The following DISC1 variants were observed in gnomAD, a reference collection of about 807,000 sequenced individuals.
DISC1 encodes the protein disrupted in schizophrenia 1 protein.
In DISC1, 57 loss-of-function variants were observed where a neutral mutation model predicts 84.5. The observed-to-expected ratio is 0.67, with a 90% CI of 0.55 to 0.84. The LOEUF (loss-of-function observed/expected upper bound fraction) is 0.84, where lower values mean the gene tolerates loss of function less well. Ranked by LOEUF, DISC1 falls within the 40% of genes least tolerant of loss-of-function variation. The probability of loss-of-function intolerance (pLI) is 0.00; values close to 1 mark genes in which losing one functional copy is unlikely to be tolerated. For synonymous variants in DISC1, 411 were observed against 415.2 expected (o/e 0.99, Z 0.12); for missense variants, 1,000 against 1,057.8 (o/e 0.95, Z 0.76).
At chr1:231,899,481 A>G (rs1172233370) in intron 9 of DISC1, among the ~76,000 whole-genome samples, 1 of 152,130 alleles carries the variant, frequency 6.6e-6, no homozygotes, top group Non-Finnish European at 1.5e-5. Context: ...CTATGCTTTG[A>G]TCTATGCCTT....
chr1:231,857,228 C>G (rs566649877), intron 9 of DISC1, among the ~76,000 whole-genome samples: 1 of 152,174 alleles, frequency 6.6e-6, no homozygotes, highest in Admixed American at 6.5e-5. Flanking sequence ...AGGGGACCCT[C>G]CAGAACTACA....
chr1:231,925,938 G>A (rs920419187), intron 9 of DISC1: 1 of 152,144 alleles, frequency 6.6e-6, no homozygotes, highest in African/African-American at 2.4e-5. Context: ...CTGGCTGCTG[G>A]GACAATGACG....
intron 9 of DISC1, among the ~76,000 whole-genome samples, chr1:231,896,855 T>A (rs1486969640): frequency 2.0e-5 from 3 of 152,216 alleles, no homozygotes; most frequent in Non-Finnish European, 4.4e-5. Context: ...GGAAGTGAAG[T>A]CCTGCCTATA....
rs190720007 is a variant in DISC1, at chr1:231,921,757, A to G, written c.1982-37071A>G. Among the ~76,000 whole-genome samples, 338 of 151,762 alleles carry G rather than the reference A, an allele frequency of 2.2e-3. 1 individual carries two copies. The highest frequency in any genetic ancestry group is 7.9e-3 in the African/African-American group (328 of 41,356). ...GATTTGATGTATGCATATGTTGTGTAATGATTACCACAATCCAGCTAACTA... is the reference window on the plus strand; with the variant it reads ...GATTTGATGTATGCATATGTTGTGTGATGATTACCACAATCCAGCTAACTA... On this transcript the variant is annotated intron_variant, in intron 9 of 12. Transcript: ENST00000439617.
chr1:231,767,703 G>T (rs1276711923), intron 5 of DISC1, among the ~76,000 whole-genome samples: 1 of 152,236 alleles, frequency 6.6e-6, no homozygotes, highest in Non-Finnish European at 1.5e-5. Flanking sequence ...ACAAAAAGGA[G>T]AGATGGTGGG....
At chr1:232,013,761 T>G (rs1411450717) in intron 11 of DISC1, among the ~76,000 whole-genome samples, 1 of 152,122 alleles carries the variant, frequency 6.6e-6, no homozygotes, top group Non-Finnish European at 1.5e-5. Context: ...TTTATTCCTC[T>G]TGGGTATGGG....
Position 231,630,226 on chromosome 1 carries a change from G to A in DISC1, c.67+3292G>A, listed in dbSNP as rs912324427. 6.6e-6 allele frequency among the ~76,000 whole-genome samples: 1 copy of A among 152,140 alleles called. No homozygotes were observed. The highest frequency in any genetic ancestry group is 6.5e-5 in the Admixed American group (1 of 15,288). ...TTACAGGCATGAGCCACTGCGCCGG[G>A]CCCTTTAAACAAGATTTAAAGACCA... is the stretch of plus-strand genomic sequence containing the variant. On this transcript the variant is annotated intron_variant, in intron 1 of 12. Coordinates refer to ENST00000439617, the MANE Select transcript of DISC1 (RefSeq NM_018662.3). This position sits in a 1 kb window ranked among gnomAD's most constrained non-coding sequence, Gnocchi z 4.4.
At position 232,040,475 on chromosome 1, in the gene DISC1, C is replaced by T. The variant is rs537504727; in HGVS notation, c.*3644C>T. 6.6e-6 allele frequency: 1 copy of T among 152,100 alleles called. No individual in the cohort carries two copies. Among genetic ancestry groups the T allele is most frequent in the African/African-American group, 2.4e-5 (1 of 41,400 alleles). 9.4% of individuals were successfully genotyped at this position (152,100 alleles called of 1,614,324 possible). ...TCATATCCTATAATCCCCATATCAACCTTATAAGGAAGGTGTTTGTAGATG... is the reference window on the plus strand; with the variant it reads ...TCATATCCTATAATCCCCATATCAATCTTATAAGGAAGGTGTTTGTAGATG... On this transcript the variant is annotated 3_prime_UTR_variant, in exon 13 of 13. Coordinates refer to ENST00000439617, the MANE Select transcript of DISC1 (RefSeq NM_018662.3).
chr1:231,654,565 A>G (rs999946897), intron 1 of DISC1, among the ~76,000 whole-genome samples: 1 of 152,166 alleles, frequency 6.6e-6, no homozygotes, highest in African/African-American at 2.4e-5. Context: ...TTAAGAACTT[A>G]TTCCTTCTGT....
chr1:231,752,505 A>G (rs2074715338), intron 4 of DISC1, among the ~76,000 whole-genome samples: 1 of 152,166 alleles, frequency 6.6e-6, no homozygotes, highest in South Asian at 2.1e-4. Flanking sequence ...ATCCACCCCC[A>G]TGATGCAGTC....
intron 3 of DISC1, among the ~76,000 whole-genome samples, chr1:231,747,021 C>T (rs774581182): frequency 1.3e-5 from 2 of 152,114 alleles, no homozygotes; most frequent in Admixed American, 6.5e-5. Flanking sequence ...CTCGACTTCC[C>T]CAGACTCAGG....
chr1:231,900,560 T>C (rs1291206503), intron 9 of DISC1, among the ~76,000 whole-genome samples: 1 of 152,234 alleles, frequency 6.6e-6, no homozygotes, highest in Non-Finnish European at 1.5e-5. Flanking sequence ...TGAAGAATTA[T>C]GGGTTTGTGA....
rs149279558 is a variant in DISC1 at position 231,648,225 on chromosome 1, A to T, written c.67+21291A>T. 2.8e-3 allele frequency among the ~76,000 whole-genome samples: 428 copies of T among 152,338 alleles called. 7 individuals carry two copies. Among genetic ancestry groups the T allele is most frequent in the East Asian group, 9.7e-3 (50 of 5,178 alleles). ...CATAAATAGCTCTTATTATTTTGAG[A>T]TACATTCCATCAATACCTAGTTTAT... On this transcript the variant is annotated intron_variant, in intron 1 of 12. Coordinates refer to ENST00000439617, the MANE Select transcript of DISC1 (RefSeq NM_018662.3).
At chr1:231,773,447 C>T (rs570644725) in intron 6 of DISC1, among the ~76,000 whole-genome samples, 50 of 152,232 alleles carry the variant, frequency 3.3e-4, no homozygotes, top group African/African-American at 6.0e-4. Flanking sequence ...TGCAGTGGTG[C>T]GATCTCGGCT....
chr1:231,970,413 CT>C (rs931826520), intron 10 of DISC1, among the ~76,000 whole-genome samples: 15 of 152,222 alleles, frequency 9.9e-5, no homozygotes, highest in Non-Finnish European at 5.9e-5. Context: ...AAATATTGCC[CT>C]AGAGAATGGC....
intron 3 of DISC1, chr1:231,720,794 G>A: frequency 8.2e-7 from 1 of 1,224,482 alleles, no homozygotes; most frequent in Non-Finnish European, 1.1e-6. Context: ...ATAGTCACAG[G>A]GCAGAAGTGG....
chr1:231,653,564 G>A (rs770917976), intron 1 of DISC1, among the ~76,000 whole-genome samples: 4 of 152,212 alleles, frequency 2.6e-5, no homozygotes, highest in Non-Finnish European at 5.9e-5. Flanking sequence ...GCTGGGAAAT[G>A]CCACTCATCT....
At chr1:231,656,699 G>C (rs540814913) in intron 1 of DISC1, among the ~76,000 whole-genome samples, 4 of 152,256 alleles carry the variant, frequency 2.6e-5, no homozygotes, top group African/African-American at 9.6e-5. Context: ...CGTGTGCCAT[G>C]GTGGTTTGCT....
At chr1:231,800,954 A>G (rs1358523657) in intron 8 of DISC1, among the ~76,000 whole-genome samples, 1 of 152,102 alleles carries the variant, frequency 6.6e-6, no homozygotes, top group Non-Finnish European at 1.5e-5. Context: ...TTATGTAATG[A>G]CAGCTTCAAA....
Sources: allele counts gnomAD v4.1 joint callset (sites outside exome capture counted in the v4.1 genomes callset), GRCh38; gene constraint gnomAD v4.1.1; non-coding constraint Gnocchi (gnomAD v3.1); transcripts MANE v1.5; gene names NCBI Gene and HGNC (gene_info 2026-07-23, HGNC 2026-07-21).